IVD: variants seen among roughly 807,000 people sequenced by gnomAD.
IVD encodes the protein isovaleryl-CoA dehydrogenase, mitochondrial.
A neutral mutation model predicts 51.3 loss-of-function variants in IVD; 31 were observed. The ratio of observed to expected loss-of-function variants is 0.60; its 90% CI spans 0.45 to 0.81. The LOEUF is 0.81. Among genes scored for constraint, IVD ranks in the 40% least tolerant of loss-of-function variants. The probability of loss-of-function intolerance (pLI) is 0.00; values close to 1 mark genes in which losing one functional copy is unlikely to be tolerated. For synonymous variants in IVD, 205 were observed against 219.4 expected (o/e 0.93, Z 0.58); for missense variants, 475 against 552.0 (o/e 0.86, Z 1.40).
At chr15:40,415,220 A>C in intron 8 of IVD, 181 bp from the exon 9 acceptor site, 1 of 732,558 alleles carries the variant, frequency 1.4e-6, no homozygotes, top group Non-Finnish European at 2.3e-6. Flanking sequence ...CTCGGCTGTG[A>C]AACGACACCT....
In IVD at chr15:40,411,579, A is replaced by C. The variant is rs752939663; in HGVS notation, c.575A>C (p.Asn192Thr). ...KKGNHYILNGNKFWITNGPDA... is the reference protein window; with the variant it reads ...KKGNHYILNGTKFWITNGPDA... ...GGAAATCACTACATCCTGAATGGCA[A>C]CAAGTTCTGGATCACTAATGGCCCT... Residue 192 changes from asparagine to threonine, a missense_variant, in exon 6 of 12, where the codon AAC becomes ACC. Physicochemically the swap from Asn to Thr is moderately conservative, Grantham distance 65 (BLOSUM62 0). Transcript: ENST00000487418. 1 of 1,614,234 alleles carries C rather than the reference A, an allele frequency of 6.2e-7. No individual in the cohort carries two copies. Among genetic ancestry groups the C allele is most frequent in the Non-Finnish European group, 8.5e-7 (1 of 1,180,028 alleles).
At chr15:40,429,671 T>C (rs532297363) in intron 7 of IVD, among the ~76,000 whole-genome samples, 4 of 152,278 alleles carry the variant, frequency 2.6e-5, no homozygotes, top group Non-Finnish European at 5.9e-5. Context: ...CTTATCTAGA[T>C]GAAATCAGAT....
At chr15:40,424,448 T>G (rs1047542517), downstream of IVD, 44 of 286,932 alleles carry the variant, frequency 1.5e-4, no homozygotes, top group African/African-American at 9.8e-4. Context: ...GCCTGCCTCC[T>G]TCAGGAAGAC....
downstream of IVD, among the ~76,000 whole-genome samples, chr15:40,425,507 TTTGTTTTC>T (rs1161266753): frequency 1.3e-5 from 2 of 151,166 alleles, no homozygotes; most frequent in Non-Finnish European, 2.9e-5. Flanking sequence ...TTGTATAGTT[TTTGTTTTC>T]TTGTTTTCTT....
chr15:40,416,702 A>C (rs1032892842), intron 11 of IVD, among the ~76,000 whole-genome samples: 5 of 152,106 alleles, frequency 3.3e-5, no homozygotes, highest in African/African-American at 1.2e-4. Context: ...GTCTCAAAAA[A>C]AAGCAATTTC....
rs573285150 is a variant in IVD, at chr15:40,432,124, T to C, written c.720-1730T>C. Among the ~76,000 whole-genome samples the C allele has an allele frequency of 2.0e-5, 3 of 152,224 alleles. No homozygotes were observed. The East Asian group carries it at 5.8e-4, about 29-fold the overall frequency. On this transcript the variant is annotated intron_variant, in intron 7 of 8. Transcript: ENST00000473112. ...AACTACAGATGCGTGTCACCACACC[T>C]GTAGAGACAGGGTTTTGCCACATTG...
In IVD at chr15:40,410,641, C is replaced by A; in HGVS notation, c.300C>A (p.Gly100=). 1.9e-6 allele frequency: 3 copies of A among 1,614,216 alleles called. No homozygotes were observed. Among genetic ancestry groups the A allele is most frequent in the Non-Finnish European group, 2.5e-6 (3 of 1,180,048 alleles). Residue 100 remains glycine (G), a synonymous_variant, in exon 4 of 12, where the codon GGC becomes GGA. Transcript: ENST00000487418. ...CACCACTCACAGTTCAGTATGGCGG[C>A]TCCGGCCTGGGCTACCTGGAGCATG... ...LGITAPVQYG[G]SGLGYLEHVL... is the part of the protein sequence containing the mutation.
At chr15:40,415,841 G>T (rs971868003) in intron 9 of IVD, among the ~76,000 whole-genome samples, 5 of 152,236 alleles carry the variant, frequency 3.3e-5, no homozygotes, top group African/African-American at 9.6e-5. Flanking sequence ...TGCCTTGGGA[G>T]CCATGCCTTT....
At chr15:40,421,710 G>A (rs527570739), downstream of IVD, among the ~76,000 whole-genome samples, 4 of 152,326 alleles carry the variant, frequency 2.6e-5, no homozygotes, top group East Asian at 3.9e-4. Flanking sequence ...AGGAGCCTAA[G>A]TCCTAATTCT....
rs943126292 is a variant in IVD at position 40,418,666 on chromosome 15, C to G, written c.*403C>G. 8.7e-7 allele frequency: 1 copy of G among 1,145,400 alleles called. No homozygotes were observed. The highest frequency in any genetic ancestry group is 1.1e-6 in the Non-Finnish European group (1 of 922,570). The allele number at this position is 1,145,400 out of a possible 1,614,324, so 71.0% of individuals were successfully genotyped here. On this transcript the variant is annotated 3_prime_UTR_variant, in exon 12 of 12. Coordinates refer to ENST00000487418, the MANE Select transcript of IVD (RefSeq NM_002225.5). ...CCACCTCTTTCTCTTGGGTGAGGCTCTGGCAAGGAGATCTCTCTGCTCAAG... is the reference window on the plus strand; with the variant it reads ...CCACCTCTTTCTCTTGGGTGAGGCTGTGGCAAGGAGATCTCTCTGCTCAAG...
At position 40,414,986 on chromosome 15, in the gene IVD, A is replaced by C; in HGVS notation, c.878+4A>C. On this transcript the variant is annotated splice_donor_region_variant and intron_variant, in intron 8 of 11. Coordinates refer to ENST00000487418, the MANE Select transcript of IVD (RefSeq NM_002225.5). ...TGCTGGCCGGGGGGCCTCTTGGGTA[A>C]GTGTGAGAGGCTTGAGGGAAGCTGG... is the stretch of plus-strand genomic sequence containing the variant. The C allele has an allele frequency of 1.2e-6, 2 of 1,613,510 alleles. No individual in the cohort carries two copies. The highest frequency in any genetic ancestry group is 1.7e-6 in the Non-Finnish European group (2 of 1,179,848).
At chr15:40,415,051 G>C in intron 8 of IVD, 69 bp downstream of exon 8, 1 of 1,576,016 alleles carries the variant, frequency 6.3e-7, no homozygotes, top group Non-Finnish European at 8.6e-7. Flanking sequence ...ACCATGAGCA[G>C]CAGCAGCCTT....
At chr15:40,410,877 AG>A in intron 4 of IVD, 80 bp downstream of exon 4, 7 of 1,508,800 alleles carry the variant, frequency 4.6e-6, no homozygotes, top group Non-Finnish European at 6.4e-6. Context: ...CTTGGGGGCC[AG>A]TCAGACCTGC....
Position 40,419,143 on chromosome 15 carries a change from A to AAC in IVD, c.*882_*883dup. The AAC allele has an allele frequency of 7.8e-7, 1 of 1,289,144 alleles. No individual in the cohort carries two copies. Among genetic ancestry groups the AAC allele is most frequent in the Non-Finnish European group, 1.0e-6 (1 of 988,810 alleles). 79.9% of individuals were successfully genotyped at this position (1,289,144 alleles called of 1,614,324 possible). On this transcript the variant is annotated 3_prime_UTR_variant, in exon 12 of 12. Coordinates refer to ENST00000487418, the MANE Select transcript of IVD (RefSeq NM_002225.5). Reference sequence around the variant, plus strand: ...AAGAGCAAAACTCTTCAAAAAACAAAACAAAACAAAAAAACCCTGGCCCTT... The same window carrying AAC: ...AAGAGCAAAACTCTTCAAAAAACAAAACACAAAACAAAAAAACCCTGGCCCTT...
chr15:40,414,778 G>A, intron 7 of IVD, 111 bp from the exon 8 acceptor site: 1 of 1,524,216 alleles, frequency 6.6e-7, no homozygotes, highest in Non-Finnish European at 8.9e-7. Flanking sequence ...AAGGTCAAGT[G>A]ACATATTTTA....
rs1268242192 is a variant in IVD at position 40,419,286 on chromosome 15, G to A, written c.*1023G>A. On this transcript the variant is annotated 3_prime_UTR_variant, in exon 12 of 12. Transcript: ENST00000487418. ...AGCACTTTGGGAGGCCAAGGCAGGT[G>A]GATCACTTGCAGTCAGGAGTTCAAG... 4.1e-6 allele frequency: 5 copies of A among 1,221,410 alleles called. No individual in the cohort carries two copies. The Admixed American group carries it at 9.3e-5, about 23-fold the overall frequency. The allele number at this position is 1,221,410 out of a possible 1,614,324, so 75.7% of individuals were successfully genotyped here.
chr15:40,421,296 AAAAC>A lies in IVD; in HGVS notation c.*3037_*3040del. 3 of 985,454 alleles carry A rather than the reference AAAAC, an allele frequency of 3.0e-6. No homozygotes were observed. Among genetic ancestry groups the A allele is most frequent in the Non-Finnish European group, 3.6e-6 (3 of 829,932 alleles). 61.0% of individuals were successfully genotyped at this position (985,454 alleles called of 1,614,324 possible). A position where few individuals can be genotyped will look rare whatever the true frequency, so the allele number is the denominator to read the frequency against. On this transcript the variant is annotated 3_prime_UTR_variant, in exon 12 of 12. Coordinates refer to ENST00000487418, the MANE Select transcript of IVD (RefSeq NM_002225.5). Reference sequence around the variant, plus strand: ...AAATGTTTTAAAATTAAAAGCAAAAAAAACAAAATGAACCATGCAGCCTGAGTGG... The same window carrying A: ...AAATGTTTTAAAATTAAAAGCAAAAAAAAATGAACCATGCAGCCTGAGTGG...
At chr15:40,416,866 CCCTCT>C in intron 11 of IVD, among the ~76,000 whole-genome samples, 1 of 152,132 alleles carries the variant, frequency 6.6e-6, no homozygotes, top group South Asian at 2.1e-4. Flanking sequence ...GGCAACACCC[CCCTCT>C]CATCCTCCCC....
chr15:40,431,146 T>G (rs1193851440), intron 7 of IVD, among the ~76,000 whole-genome samples: 2 of 151,080 alleles, frequency 1.3e-5, no homozygotes, highest in Non-Finnish European at 2.9e-5. Flanking sequence ...TTTTTTGTCT[T>G]TTTTTTTCTT....
Sources: allele counts gnomAD v4.1 joint callset (sites outside exome capture counted in the v4.1 genomes callset), GRCh38; gene constraint gnomAD v4.1.1; transcripts MANE v1.5; gene names NCBI Gene and HGNC (gene_info 2026-07-23, HGNC 2026-07-21).